ZNF518A: variants seen among roughly 807,000 people sequenced by gnomAD.
ZNF518A encodes zinc finger protein 518A.
A neutral mutation model predicts 102.7 loss-of-function variants in ZNF518A; 47 were observed. The observed-to-expected ratio is 0.46, with a 90% CI of 0.36 to 0.58. The LOEUF (loss-of-function observed/expected upper bound fraction) is 0.58, where lower values mean the gene tolerates loss of function less well. Ranked by LOEUF, ZNF518A falls within the 20% of genes least tolerant of loss-of-function variation. The pLI, the probability that ZNF518A is intolerant of heterozygous loss-of-function variation, is 0.00. For missense variants in ZNF518A, 1,793 were observed against 1,699.8 expected (o/e 1.05, Z -0.96); for synonymous variants, 652 against 594.6 (o/e 1.10, Z -1.40).
Position 96,158,097 on chromosome 10 carries a change from G to A in ZNF518A, c.1775G>A (p.Gly592Asp). 1 of 1,613,502 alleles carries A rather than the reference G, an allele frequency of 6.2e-7. No homozygotes were observed. Among genetic ancestry groups the A allele is most frequent in the African/African-American group, 1.3e-5 (1 of 74,996 alleles). Residue 592 changes from glycine (G) to aspartate (D), a missense_variant, in exon 6 of 6, where the codon GGT becomes GAT. Gly to Asp is a moderately conservative substitution (Grantham distance 94). This residue lies in a region of ZNF518A where 1,741 missense variants were observed against 1,622.6 expected (regional missense o/e 1.07). Transcript: ENST00000316045. Reference protein sequence around the residue: ...HLTQSHPEVLGTTIKSPDKVN... With the variant: ...HLTQSHPEVLDTTIKSPDKVN... Reference sequence around the variant, plus strand: ...ACTCAGAGTCACCCCGAGGTATTAGGTACCACCATTAAAAGTCCAGATAAA... The same window carrying A: ...ACTCAGAGTCACCCCGAGGTATTAGATACCACCATTAAAAGTCCAGATAAA...
chr10:96,149,510 T>C (rs868916545), intron 3 of ZNF518A, among the ~76,000 whole-genome samples: 5 of 152,226 alleles, frequency 3.3e-5, no homozygotes, highest in African/African-American at 9.6e-5. Context: ...GAAGAGAATC[T>C]TAGCATCCAA....
chr10:96,193,506 G>A (rs2083380182), intron 1 of ZNF518A, among the ~76,000 whole-genome samples: 1 of 152,168 alleles, frequency 6.6e-6, no homozygotes, highest in African/African-American at 2.4e-5. Context: ...GTGTGCAGTA[G>A]GGAGTTGAGC....
Position 96,130,485 on chromosome 10 carries a change from G to C in ZNF518A, c.-720G>C, listed in dbSNP as rs587678607. On this transcript the variant is annotated 5_prime_UTR_variant, in exon 1 of 6. Transcript: ENST00000316045. The stretch of plus-strand genomic sequence containing the variant: ...CGGTGTGCCTCCGCGCTCCCCGCGG[G>C]GCAGCCGAACCCCGGAGGAAGGGGC... Among the ~76,000 whole-genome samples, 1 of 152,362 alleles carries C rather than the reference G, an allele frequency of 6.6e-6. No individual in the cohort carries two copies. Among genetic ancestry groups the C allele is most frequent in the Admixed American group, 6.5e-5 (1 of 15,310 alleles).
At chr10:96,168,067 T>G (rs2133880379), downstream of ZNF518A, among the ~76,000 whole-genome samples, 1 of 152,360 alleles carries the variant, frequency 6.6e-6, no homozygotes, top group East Asian at 1.9e-4. Context: ...CAACATAGTT[T>G]TATAATTACG....
chr10:96,189,360 C>A, intron 1 of ZNF518A: 1 of 563,554 alleles, frequency 1.8e-6, no homozygotes, highest in South Asian at 1.4e-5. Flanking sequence ...AAACTATTTT[C>A]TAAAGAGACT....
At chr10:96,201,562 A>G (rs998994893) in intron 1 of ZNF518A, among the ~76,000 whole-genome samples, 15 of 152,244 alleles carry the variant, frequency 9.9e-5, no homozygotes, top group African/African-American at 3.6e-4. Flanking sequence ...TTCTTAAAAT[A>G]CTAGGTATCA....
At chr10:96,175,041 C>A (rs2133886625) in intron 1 of ZNF518A, among the ~76,000 whole-genome samples, 1 of 152,164 alleles carries the variant, frequency 6.6e-6, no homozygotes, top group East Asian at 1.9e-4. Flanking sequence ...TCACTAGAAC[C>A]CATCTATCCT....
intron 1 of ZNF518A, among the ~76,000 whole-genome samples, chr10:96,188,124 A>G (rs1334556809): frequency 1.3e-5 from 2 of 152,232 alleles, no homozygotes; most frequent in African/African-American, 4.8e-5. Context: ...TACTGTGATT[A>G]TAGGTGTAAG....
At chr10:96,196,862 A>G in intron 1 of ZNF518A, 1 of 1,578,730 alleles carries the variant, frequency 6.3e-7, no homozygotes, top group Non-Finnish European at 8.7e-7. Flanking sequence ...ATGTCATTAT[A>G]CTCAATGCAT....
At chr10:96,172,172 A>G (rs782325590) in intron 1 of ZNF518A, among the ~76,000 whole-genome samples, 2 of 146,570 alleles carry the variant, frequency 1.4e-5, no homozygotes, top group African/African-American at 2.4e-5. Context: ...AGGAAAAAAG[A>G]AAGACATTAC....
intron 1 of ZNF518A, among the ~76,000 whole-genome samples, chr10:96,197,985 T>C (rs1183829815): frequency 6.6e-6 from 1 of 151,040 alleles, no homozygotes; most frequent in African/African-American, 2.4e-5. Flanking sequence ...CAAATTTTAT[T>C]AAATTTTTTA....
chr10:96,163,314 T>C lies in ZNF518A; in HGVS notation c.*2540T>C, dbSNP rs1304486820. 5 of 149,118 alleles carry C rather than the reference T, an allele frequency of 3.4e-5. No homozygotes were observed. The Admixed American group carries it at 3.7e-4, about 11-fold the overall frequency. 9.2% of individuals were successfully genotyped at this position (149,118 alleles called of 1,614,324 possible). On this transcript the variant is annotated 3_prime_UTR_variant, in exon 6 of 6. Transcript: ENST00000316045. The stretch of plus-strand genomic sequence containing the variant: ...AATCCAAAACAAAAGCCTGTATCCT[T>C]TATTTTTTGTGTGTGGCTTTCCAAA...
chr10:96,130,061 C>T (rs1338296893), upstream of ZNF518A: 1 of 152,800 alleles, frequency 6.5e-6, no homozygotes, highest in Non-Finnish European at 1.5e-5. Flanking sequence ...TCGGCAATAC[C>T]CGGATGGAAG....
chr10:96,148,547 AC>A (rs71034358), intron 3 of ZNF518A, among the ~76,000 whole-genome samples: 152,340 of 152,340 alleles, frequency 1, 76,170 homozygotes, highest in Non-Finnish European at 1. Flanking sequence ...GTTTTCTCAG[AC>A]TGTCCAGTAA....
At chr10:96,182,228 G>A (rs1472007171) in intron 1 of ZNF518A, among the ~76,000 whole-genome samples, 4 of 152,106 alleles carry the variant, frequency 2.6e-5, no homozygotes, top group Non-Finnish European at 5.9e-5. Flanking sequence ...GGAGATTTGG[G>A]GCTGATACAA....
intron 3 of ZNF518A, among the ~76,000 whole-genome samples, chr10:96,133,904 G>A (rs1554873307): frequency 6.6e-6 from 1 of 152,142 alleles, no homozygotes; most frequent in Non-Finnish European, 1.5e-5. Context: ...CCACGTTATC[G>A]TTTATGTCAT....
At chr10:96,144,392 C>G (rs782334393) in intron 3 of ZNF518A, among the ~76,000 whole-genome samples, 4 of 152,018 alleles carry the variant, frequency 2.6e-5, no homozygotes, top group African/African-American at 7.3e-5. Flanking sequence ...GTGGATGTTC[C>G]GTAATTTTAT....
chr10:96,203,845 A>G, intron 2 of ZNF518A: 3 of 430,666 alleles, frequency 7.0e-6, no homozygotes, highest in South Asian at 1.1e-4. Flanking sequence ...TACTAAAAAA[A>G]GTAAAAATTG....
intron 3 of ZNF518A, among the ~76,000 whole-genome samples, chr10:96,152,101 C>T (rs11188632): frequency 0.37 from 56,488 of 151,994 alleles, 11,861 homozygotes; most frequent in Middle Eastern, 0.55. Flanking sequence ...CGCTTGAGCT[C>T]AGAAGTTCAA....
Sources: gnomAD v4.1 joint callset for allele counts (sites outside exome capture counted in the v4.1 genomes callset) on GRCh38, gnomAD v4.1.1 for gene constraint, gnomAD v4.1.1 regional missense constraint, MANE v1.5 for transcripts, NCBI Gene and HGNC (gene_info 2026-07-23, HGNC 2026-07-21) for gene names.